The following ATG10 variants were observed in gnomAD, a reference collection of about 807,000 sequenced individuals.
ATG10 encodes ubiquitin-like-conjugating enzyme ATG10.
In ATG10, 30 loss-of-function variants were observed where a neutral mutation model predicts 32.1. The ratio of observed to expected loss-of-function variants is 0.94; its 90% confidence interval spans 0.70 to 1.27. ATG10 has a LOEUF of 1.27. Ranked by LOEUF, ATG10 falls within the 50% of genes most tolerant of loss-of-function variation. The pLI is 0.00. For synonymous variants in ATG10, 87 were observed against 91.5 expected, an observed-to-expected ratio of 0.95 and a Z score of 0.28; for missense variants, 233 against 262.3, an observed-to-expected ratio of 0.89 and a Z score of 0.77.
intron 2 of ATG10, among the ~76,000 whole-genome samples, chr5:82,004,368 A>G (rs1224487211): frequency 6.6e-6 from 1 of 152,206 alleles, no homozygotes; most frequent in Non-Finnish European, 1.5e-5. Flanking sequence ...TGAATCACAG[A>G]GTACCCTGTA....
chr5:81,983,003 T>C (rs925684798), intron 1 of ATG10, among the ~76,000 whole-genome samples: 6 of 152,220 alleles, frequency 3.9e-5, no homozygotes, highest in Non-Finnish European at 8.8e-5. Context: ...TTTCCCCACC[T>C]TTCCCCCCTT....
intron 2 of ATG10, among the ~76,000 whole-genome samples, chr5:82,027,075 AAAATAAAT>A (rs10601125): frequency 1.2e-3 from 173 of 144,824 alleles, no homozygotes; most frequent in African/African-American, 3.7e-3. Context: ...ATGAATAAAT[AAAATAAAT>A]AAATAAATAA....
chr5:82,185,156 T>C (rs1744400770), intron 5 of ATG10, among the ~76,000 whole-genome samples: 1 of 152,236 alleles, frequency 6.6e-6, no homozygotes, highest in South Asian at 2.1e-4. Flanking sequence ...CTTTTCAAAA[T>C]TGCCTCTCTC....
At chr5:82,251,582 T>C (rs1429369267) in intron 5 of ATG10, among the ~76,000 whole-genome samples, 1 of 152,196 alleles carries the variant, frequency 6.6e-6, no homozygotes, top group Non-Finnish European at 1.5e-5. Flanking sequence ...CTCGGCAGTT[T>C]CTCACGGGCC....
chr5:82,049,874 C>G (rs1025225285), intron 2 of ATG10, among the ~76,000 whole-genome samples: 5 of 152,122 alleles, frequency 3.3e-5, no homozygotes, highest in African/African-American at 1.2e-4. Context: ...TGATTTAGAT[C>G]TCAGTCTCCC....
chr5:82,200,950 C>T (rs564793628), intron 5 of ATG10, among the ~76,000 whole-genome samples: 50 of 151,454 alleles, frequency 3.3e-4, no homozygotes, highest in African/African-American at 1.1e-3. Context: ...AGTGCAGTGG[C>T]GTGATCTCAC....
chr5:82,116,310 A>T (rs1180481131), intron 3 of ATG10, among the ~76,000 whole-genome samples: 1 of 152,138 alleles, frequency 6.6e-6, no homozygotes, highest in Non-Finnish European at 1.5e-5. Context: ...GAGAATGAGC[A>T]GATAATAATT....
At chr5:82,086,727 CA>C (rs1456779448) in intron 3 of ATG10, among the ~76,000 whole-genome samples, 3 of 152,128 alleles carry the variant, frequency 2.0e-5, no homozygotes, top group African/African-American at 7.2e-5. Flanking sequence ...GGAAACCACA[CA>C]AGTGCATGTG....
intron 2 of ATG10, among the ~76,000 whole-genome samples, chr5:82,034,400 C>G (rs901018919): frequency 6.6e-6 from 1 of 152,168 alleles, no homozygotes; most frequent in Non-Finnish European, 1.5e-5. Context: ...CTTTTAACAC[C>G]TTCATTGTAC....
intron 5 of ATG10, among the ~76,000 whole-genome samples, chr5:82,216,777 C>A (rs1303606948): frequency 6.6e-6 from 1 of 152,070 alleles, no homozygotes; most frequent in Non-Finnish European, 1.5e-5. Context: ...TAGCAACAGG[C>A]CAGGCGCAGT....
At chr5:82,051,893 TTTC>T (rs1296032990) in intron 2 of ATG10, among the ~76,000 whole-genome samples, 1 of 152,178 alleles carries the variant, frequency 6.6e-6, no homozygotes, top group Non-Finnish European at 1.5e-5. Flanking sequence ...TAGTTTCTAG[TTTC>T]TTCTTTTTAC....
At chr5:82,106,549 A>G (rs1765449982) in intron 3 of ATG10, among the ~76,000 whole-genome samples, 1 of 152,046 alleles carries the variant, frequency 6.6e-6, no homozygotes, top group Non-Finnish European at 1.5e-5. Flanking sequence ...GTGAGATCTC[A>G]TTTAACATGT....
At chr5:82,136,010 A>C (rs1212741905) in intron 3 of ATG10, among the ~76,000 whole-genome samples, 2 of 151,672 alleles carry the variant, frequency 1.3e-5, no homozygotes, top group African/African-American at 4.8e-5. Context: ...GTTGGTTTAA[A>C]GTCTGTTTTA....
At chr5:82,193,813 T>C (rs1744751999) in intron 5 of ATG10, among the ~76,000 whole-genome samples, 1 of 152,242 alleles carries the variant, frequency 6.6e-6, no homozygotes, top group African/African-American at 2.4e-5. Context: ...CAAGCATGTT[T>C]GACATCAGTT....
intron 3 of ATG10, among the ~76,000 whole-genome samples, chr5:82,142,909 G>A (rs1561323431): frequency 2.0e-5 from 3 of 152,168 alleles, no homozygotes; most frequent in Non-Finnish European, 2.9e-5. Context: ...TGTACATGCC[G>A]TTGCTAAAAT....
intron 3 of ATG10, among the ~76,000 whole-genome samples, chr5:82,123,667 C>T (rs369387861): frequency 1.3e-5 from 2 of 151,230 alleles, no homozygotes; most frequent in African/African-American, 2.4e-5. Flanking sequence ...TGGTGGCTTA[C>T]GCCTGTAATC....
intron 3 of ATG10, among the ~76,000 whole-genome samples, chr5:82,158,388 A>T (rs1767895387): frequency 1.4e-5 from 2 of 141,042 alleles, no homozygotes; most frequent in African/African-American, 2.7e-5. Flanking sequence ...GTATCCATGG[A>T]TTTAGACAAC....
intron 3 of ATG10, among the ~76,000 whole-genome samples, chr5:82,094,948 A>T (rs1458907923): frequency 6.6e-6 from 1 of 152,186 alleles, no homozygotes. Context: ...ACACATGCAC[A>T]CATACATATA....
chr5:82,164,963 A>G (rs1171839250), intron 4 of ATG10, among the ~76,000 whole-genome samples: 1 of 152,236 alleles, frequency 6.6e-6, no homozygotes, highest in African/African-American at 2.4e-5. Context: ...AGAAATGTTT[A>G]TCAATTAGCT....
Sources: gnomAD v4.1 joint callset for allele counts (sites outside exome capture counted in the v4.1 genomes callset) on GRCh38, gnomAD v4.1.1 for gene constraint, MANE v1.5 for transcripts, NCBI Gene and HGNC (gene_info 2026-07-23, HGNC 2026-07-21) for gene names.